The following ADAMTS17 variants were observed in gnomAD, a reference collection of about 807,000 sequenced individuals.
The protein encoded by ADAMTS17 is ADAM metallopeptidase with thrombospondin type 1 motif 17, also known as A disintegrin and metalloproteinase with thrombospondin motifs 17.
Under a neutral mutation model 141.5 loss-of-function variants are expected in ADAMTS17, and 113 were observed. That is an observed-to-expected ratio of 0.80 (90% confidence interval 0.69 to 0.93). The LOEUF (loss-of-function observed/expected upper bound fraction) is 0.93, where lower values mean the gene tolerates loss of function less well. ADAMTS17 is among the 40% of genes least tolerant of loss of function. ADAMTS17 has a pLI of 0.00. For synonymous variants in ADAMTS17, 768 were observed against 630.6 expected, an observed-to-expected ratio of 1.22 and a Z score of -3.27; for missense variants, 1,659 against 1,517.9, an observed-to-expected ratio of 1.09 and a Z score of -1.54.
chr15:100,257,046 G>A (rs1331154742), intron 6 of ADAMTS17: 1 of 152,328 alleles, frequency 6.6e-6, no homozygotes. Flanking sequence ...GAACGTCTTG[G>A]AGAATACACT....
intron 4 of ADAMTS17, among the ~76,000 whole-genome samples, chr15:100,266,208 G>A (rs943194512): frequency 1.4e-4 from 21 of 152,170 alleles, no homozygotes; most frequent in African/African-American, 4.6e-4. Flanking sequence ...TCTGGTATCA[G>A]CACCACCTGC....
At chr15:100,138,318 CAACA>C (rs1351409835) in intron 10 of ADAMTS17, among the ~76,000 whole-genome samples, 1 of 152,102 alleles carries the variant, frequency 6.6e-6, no homozygotes, top group Non-Finnish European at 1.5e-5. Flanking sequence ...TCAGCAGCAA[CAACA>C]AACAGAAGAT....
At chr15:100,065,570 T>C (rs1171624146) in intron 15 of ADAMTS17, among the ~76,000 whole-genome samples, 1 of 152,220 alleles carries the variant, frequency 6.6e-6, no homozygotes, top group African/African-American at 2.4e-5. Flanking sequence ...CAAAACCACA[T>C]TGTATGCAAA....
intron 8 of ADAMTS17, among the ~76,000 whole-genome samples, chr15:100,157,453 C>T (rs983142179): frequency 7.9e-5 from 12 of 152,230 alleles, no homozygotes; most frequent in Admixed American, 3.3e-4. Context: ...GCTCAAGTGA[C>T]CAACTAGAGT....
rs2060272426 is a variant in ADAMTS17, at chr15:99,974,288, G to A, written c.*114C>T. ...CGCCAAGTCCACGCTCATGTTCTAT[G>A]TAGTTGGATTCTTGTGGCAGCCGGG... is the stretch of plus-strand genomic sequence containing the variant. On this transcript the variant is annotated 3_prime_UTR_variant, in exon 22 of 22. Coordinates refer to ENST00000268070, the MANE Select transcript of ADAMTS17 (RefSeq NM_139057.4). 1 of 1,347,996 alleles carries A rather than the reference G, an allele frequency of 7.4e-7. No homozygotes were observed. The highest frequency in any genetic ancestry group is 1.1e-6 in the Non-Finnish European group (1 of 948,752). 83.5% of individuals were successfully genotyped at this position (1,347,996 alleles called of 1,614,324 possible).
chr15:100,220,446 G>T (rs369505506), intron 7 of ADAMTS17, among the ~76,000 whole-genome samples: 240 of 152,224 alleles, frequency 1.6e-3, no homozygotes, highest in African/African-American at 5.7e-3. Context: ...ATCAGCTCTA[G>T]TCCCTCCACT....
At chr15:100,085,467 C>A (rs1296556885) in intron 15 of ADAMTS17, among the ~76,000 whole-genome samples, 2 of 150,310 alleles carry the variant, frequency 1.3e-5, no homozygotes, top group Non-Finnish European at 2.9e-5. Flanking sequence ...GGCAGGCCAA[C>A]ACTCAAATTC....
intron 3 of ADAMTS17, among the ~76,000 whole-genome samples, chr15:100,294,790 G>C (rs1201140776): frequency 6.6e-6 from 1 of 152,156 alleles, no homozygotes; most frequent in Non-Finnish European, 1.5e-5. Context: ...GTAATCATCA[G>C]AAACATGATA....
chr15:100,005,949 TCCAGCCCCAGCC>T (rs148039873), intron 18 of ADAMTS17, among the ~76,000 whole-genome samples: 7 of 151,814 alleles, frequency 4.6e-5, no homozygotes, highest in South Asian at 4.2e-4. Flanking sequence ...GAAGCATCAC[TCCAGCCCCAGCC>T]CCAGCCCCAG....
intron 8 of ADAMTS17, among the ~76,000 whole-genome samples, chr15:100,191,911 T>C (rs937321102): frequency 6.6e-6 from 1 of 152,116 alleles, no homozygotes; most frequent in Non-Finnish European, 1.5e-5. Flanking sequence ...GTTTGTGGCT[T>C]GTCAAGGTGA....
intron 7 of ADAMTS17, among the ~76,000 whole-genome samples, chr15:100,230,203 C>T (rs190694913): frequency 2.0e-5 from 3 of 152,358 alleles, no homozygotes; most frequent in African/African-American, 7.2e-5. Context: ...AGAGCACAAA[C>T]ACGTCACGAA....
At chr15:100,134,838 C>G (rs7497978) in intron 10 of ADAMTS17, among the ~76,000 whole-genome samples, 142,339 of 152,260 alleles carry the variant, frequency 0.93, 67,242 homozygotes, top group East Asian at 1. Flanking sequence ...TGCACATGCG[C>G]TTCAGAAAAG....
rs116014653 is a variant in ADAMTS17 at position 100,150,329 on chromosome 15, A to G, written c.1473+2283T>C. On this transcript the variant is annotated intron_variant, in intron 10 of 21. Coordinates refer to ENST00000268070, the MANE Select transcript of ADAMTS17 (RefSeq NM_139057.4). ...CCCCTGCCTCCTCTCTTTGGGGTCT[A>G]TCTTTGAATGACAGTAGCTTTCCTT... Among the ~76,000 whole-genome samples, 955 of 152,284 alleles carry G rather than the reference A, an allele frequency of 6.3e-3. 11 individuals carry two copies. The highest frequency in any genetic ancestry group is 0.022 in the African/African-American group (912 of 41,552).
intron 14 of ADAMTS17, among the ~76,000 whole-genome samples, chr15:100,106,573 C>T (rs757734006): frequency 2.0e-5 from 3 of 152,198 alleles, no homozygotes; most frequent in Admixed American, 6.5e-5. Context: ...AAATTATGTC[C>T]AGCCAGTAAC....
In ADAMTS17 at chr15:99,976,266, G is replaced by A. The variant is rs2060326611; in HGVS notation, c.2950-44C>T. Reference sequence around the variant, plus strand: ...CTGAGTGGGGCTGACATGAGGTCAAGGGACTGGGATGATGGCCTCACAATG... The same window carrying A: ...CTGAGTGGGGCTGACATGAGGTCAAAGGACTGGGATGATGGCCTCACAATG... On this transcript the variant is annotated intron_variant, in intron 20 of 21. Transcript: ENST00000268070. 4 of 1,535,672 alleles carry A rather than the reference G, an allele frequency of 2.6e-6. 1 individual carries two copies. The highest frequency in any genetic ancestry group is 1.7e-6 in the Non-Finnish European group (2 of 1,144,942).
intron 9 of ADAMTS17, 102 bp downstream of exon 9, chr15:100,155,078 G>T (rs1936835513): frequency 3.8e-6 from 6 of 1,569,954 alleles, no homozygotes; most frequent in Non-Finnish European, 4.4e-6. Flanking sequence ...AATCCCAAAA[G>T]AGAGTCATTT....
At chr15:100,205,796 T>C (rs1433349748) in intron 7 of ADAMTS17, among the ~76,000 whole-genome samples, 1 of 152,194 alleles carries the variant, frequency 6.6e-6, no homozygotes, top group African/African-American at 2.4e-5. Flanking sequence ...CTCCAGGCCA[T>C]TTCAGCAAAG....
At chr15:100,304,518 G>C (rs1373193259) in intron 3 of ADAMTS17, among the ~76,000 whole-genome samples, 1 of 152,068 alleles carries the variant, frequency 6.6e-6, no homozygotes, top group Non-Finnish European at 1.5e-5. Flanking sequence ...ATAAATCTTT[G>C]ATCAATGCTC....
At position 100,330,916 on chromosome 15, in the gene ADAMTS17, G is replaced by A; in HGVS notation, c.589C>T (p.Pro197Ser). 6.2e-7 allele frequency: 1 copy of A among 1,614,182 alleles called. No individual in the cohort carries two copies. The highest frequency in any genetic ancestry group is 8.5e-7 in the Non-Finnish European group (1 of 1,180,028). ...GTTAGAACCTTGCAGAGCTGCTCAG[G>A]TCTCTGGGCCTCAGCAGAAGGGCTG... ...TPSPSAEAQR[P>S]EQLCKVLTEK... is the part of the protein sequence containing the mutation. Residue 197 changes from proline to serine, a missense_variant, in exon 3 of 22, where the codon CCT (proline) becomes TCT (serine). Transcript: ENST00000268070.
Sources: allele counts gnomAD v4.1 joint callset (sites outside exome capture counted in the v4.1 genomes callset), GRCh38; gene constraint gnomAD v4.1.1; transcripts MANE v1.5; gene names NCBI Gene and HGNC (gene_info 2026-07-23, HGNC 2026-07-21).